CRYBG3: variants seen among roughly 807,000 people sequenced by gnomAD.
The protein encoded by CRYBG3 is crystallin beta-gamma domain containing 3.
A neutral mutation model predicts 244.2 loss-of-function variants in CRYBG3; 127 were observed. The observed-to-expected ratio is 0.52, with a 90% CI of 0.45 to 0.60. CRYBG3 has a LOEUF of 0.60. CRYBG3 is among the 20% of genes least tolerant of loss of function. CRYBG3 has a pLI of 0.00. For missense variants in CRYBG3, 3,325 were observed against 3,442.5 expected (o/e 0.97, Z 0.85); for synonymous variants, 1,132 against 1,195.8 (o/e 0.95, Z 1.10).
At chr3:97,860,010 G>A (rs1009322746) in intron 2 of CRYBG3, among the ~76,000 whole-genome samples, 3 of 151,972 alleles carry the variant, frequency 2.0e-5, no homozygotes, top group African/African-American at 7.2e-5. Flanking sequence ...AGTAAGTTCT[G>A]TCCTGGAACT....
chr3:97,920,719 G>A (rs368793249), intron 17 of CRYBG3, among the ~76,000 whole-genome samples: 5 of 151,908 alleles, frequency 3.3e-5, no homozygotes, highest in African/African-American at 4.8e-5. Flanking sequence ...TAGTAGAGAC[G>A]GGGTTTCACC....
At chr3:97,832,954 A>G (rs2038674996) in intron 1 of CRYBG3, among the ~76,000 whole-genome samples, 2 of 152,258 alleles carry the variant, frequency 1.3e-5, no homozygotes, top group Admixed American at 6.5e-5. Context: ...GCCAATGAGC[A>G]TATGAAAAAA....
chr3:97,849,022 G>A (rs1039523532), intron 2 of CRYBG3, among the ~76,000 whole-genome samples: 1 of 152,202 alleles, frequency 6.6e-6, no homozygotes, highest in African/African-American at 2.4e-5. Context: ...CACAGTCTTT[G>A]TAACCAGATA....
chr3:97,898,865 T>C lies in CRYBG3; in HGVS notation c.7702-18T>C, dbSNP rs764300447. 6 of 1,553,848 alleles carry C rather than the reference T, an allele frequency of 3.9e-6. No homozygotes were observed. Among genetic ancestry groups the C allele is most frequent in the Non-Finnish European group, 5.2e-6 (6 of 1,144,544 alleles). ...AGAATATGTATGTTTTCCTAAACTT[T>C]CCTCTTTCTCCTTTTAGAATTTTAT... is the stretch of plus-strand genomic sequence containing the variant. On this transcript the variant is annotated intron_variant, in intron 12 of 21. Coordinates refer to ENST00000389622, the MANE Select transcript of CRYBG3 (RefSeq NM_153605.4).
chr3:97,927,770 G>A (rs2040055153), intron 17 of CRYBG3, among the ~76,000 whole-genome samples: 1 of 152,040 alleles, frequency 6.6e-6, no homozygotes, highest in Non-Finnish European at 1.5e-5. Context: ...CTTCTCAAAA[G>A]AAGATATGCA....
intron 15 of CRYBG3, among the ~76,000 whole-genome samples, chr3:97,905,247 G>C (rs553848324): frequency 0.012 from 1,794 of 151,792 alleles, 33 homozygotes; most frequent in African/African-American, 0.041. Context: ...ATAGTCCTTT[G>C]GGTATATACC....
At chr3:97,829,021 T>G (rs1283389087) in intron 1 of CRYBG3, among the ~76,000 whole-genome samples, 1 of 152,112 alleles carries the variant, frequency 6.6e-6, no homozygotes, top group East Asian at 1.9e-4. Context: ...GGAGAAAGAC[T>G]GTCTTATGCC....
In CRYBG3 at chr3:97,850,548, A is replaced by T. The variant is rs1330926404; in HGVS notation, c.216+7287A>T. ...CTGATCATAACACTGATGTGTGATG[A>T]TATAAAAGTTGCAAATAGCTTATTG... On this transcript the variant is annotated intron_variant, in intron 2 of 21. Coordinates refer to ENST00000389622, the MANE Select transcript of CRYBG3 (RefSeq NM_153605.4). Among the ~76,000 whole-genome samples, 13 of 152,194 alleles carry T rather than the reference A, an allele frequency of 8.5e-5. No homozygotes were observed. The South Asian group carries it at 2.7e-3, about 32-fold the overall frequency.
At position 97,877,697 on chromosome 3, in the gene CRYBG3, G is replaced by A; in HGVS notation, c.6503G>A (p.Gly2168Glu). The A allele has an allele frequency of 2.5e-6, 4 of 1,613,954 alleles. No individual in the cohort carries two copies. Among genetic ancestry groups the A allele is most frequent in the Non-Finnish European group, 3.4e-6 (4 of 1,179,960 alleles). ...LHKGDLRAGS[G>E]ERVTFQLPDP... ...AAAGGAGATCTGAGAGCTGGAAGTG[G>A]GGAGCGTGTTACCTTCCAGTTGCCA... Residue 2168 changes from glycine to glutamate, a missense_variant, in exon 4 of 22, where the codon GGG (glycine) becomes GAG (glutamate). Physicochemically the swap from Gly to Glu is moderately conservative, Grantham distance 98. Coordinates refer to ENST00000389622, the MANE Select transcript of CRYBG3 (RefSeq NM_153605.4).
At position 97,875,649 on chromosome 3, in the gene CRYBG3, C is replaced by G; in HGVS notation, c.4455C>G (p.Asp1485Glu). 8 of 1,234,294 alleles carry G rather than the reference C, an allele frequency of 6.5e-6. No homozygotes were observed. The highest frequency in any genetic ancestry group is 7.1e-6 in the Non-Finnish European group (7 of 989,658). The allele number at this position is 1,234,294 out of a possible 1,614,324, so 76.5% of individuals were successfully genotyped here. A position where few individuals can be genotyped will look rare whatever the true frequency, so the allele number is the denominator to read the frequency against. ...NFKWPPLVNDDIHAPGTSKSS... is the reference protein window; with the variant it reads ...NFKWPPLVNDEIHAPGTSKSS... ...AATGGCCTCCACTTGTGAATGATGACATCCATGCACCTGGTACATCTAAAA... is the reference window on the plus strand; with the variant it reads ...AATGGCCTCCACTTGTGAATGATGAGATCCATGCACCTGGTACATCTAAAA... The change falls in exon 4 of 22, where the codon GAC becomes GAG. Residue 1485 changes from aspartate (D) to glutamate (E), a missense_variant. Transcript: ENST00000389622.
Position 97,875,544 on chromosome 3 carries a change from T to TAC in CRYBG3, c.4351_4352insCA (p.Asn1451ThrfsTer7), listed in dbSNP as rs1458937589. On this transcript the variant is annotated frameshift_variant, in exon 4 of 22. Coordinates refer to ENST00000389622, the MANE Select transcript of CRYBG3 (RefSeq NM_153605.4). LOFTEE classifies it high-confidence loss of function. ...CACATTTATTTCGCAGTGAGGACTGTAATGAGACAATGGAAATAGAGAATG... is the reference window on the plus strand; with the variant it reads ...CACATTTATTTCGCAGTGAGGACTGTACAATGAGACAATGGAAATAGAGAATG... 8.0e-7 allele frequency: 1 copy of TAC among 1,249,988 alleles called. No individual in the cohort carries two copies. The highest frequency in any genetic ancestry group is 1.5e-5 in the African/African-American group (1 of 64,538). 77.4% of individuals were successfully genotyped at this position (1,249,988 alleles called of 1,614,324 possible).
chr3:97,855,929 A>G (rs1054011803), intron 2 of CRYBG3, among the ~76,000 whole-genome samples: 1 of 152,196 alleles, frequency 6.6e-6, no homozygotes, highest in South Asian at 2.1e-4. Flanking sequence ...AGTTTCGGAC[A>G]CCACTGTCAT....
chr3:97,933,151 A>G (rs753133841), intron 17 of CRYBG3: 10 of 453,110 alleles, frequency 2.2e-5, no homozygotes, highest in South Asian at 1.6e-4. Flanking sequence ...CTTGTCTGAC[A>G]TGATGGGTTG....
chr3:97,916,833 C>T (rs1359881748), intron 17 of CRYBG3, among the ~76,000 whole-genome samples: 1 of 151,904 alleles, frequency 6.6e-6, no homozygotes, highest in Non-Finnish European at 1.5e-5. Context: ...TAGACACCAA[C>T]ATGGAAAGAA....
chr3:97,916,668 T>C (rs943124343), intron 17 of CRYBG3, among the ~76,000 whole-genome samples: 1 of 152,152 alleles, frequency 6.6e-6, no homozygotes, highest in Non-Finnish European at 1.5e-5. Context: ...CCAAGGATAA[T>C]AGCCATACTC....
At chr3:97,828,083 G>A (rs1173988717) in intron 1 of CRYBG3, among the ~76,000 whole-genome samples, 1 of 152,088 alleles carries the variant, frequency 6.6e-6, no homozygotes, top group Non-Finnish European at 1.5e-5. Flanking sequence ...CAAAGAAAGG[G>A]TCAGTCTCCT....
chr3:97,837,456 A>C (rs187570712), intron 1 of CRYBG3, among the ~76,000 whole-genome samples: 3 of 152,208 alleles, frequency 2.0e-5, no homozygotes, highest in Admixed American at 2.0e-4. Flanking sequence ...ATTTGCCCTG[A>C]TTCTTTTTCC....
At chr3:97,913,435 A>T (rs2039895669) in intron 16 of CRYBG3, among the ~76,000 whole-genome samples, 1 of 152,214 alleles carries the variant, frequency 6.6e-6, no homozygotes, top group South Asian at 2.1e-4. Context: ...TACTGTCAAC[A>T]CTGCTATTAG....
chr3:97,871,328 C>T (rs997347933), intron 3 of CRYBG3, among the ~76,000 whole-genome samples: 2 of 152,188 alleles, frequency 1.3e-5, no homozygotes, highest in African/African-American at 4.8e-5. Flanking sequence ...GTGGGCTAGA[C>T]ATTTTGCCAT....
Sources: gnomAD v4.1 joint callset for allele counts (sites outside exome capture counted in the v4.1 genomes callset) on GRCh38, gnomAD v4.1.1 for gene constraint, MANE v1.5 for transcripts, NCBI Gene and HGNC (gene_info 2026-07-23, HGNC 2026-07-21) for gene names.